Variants in PITPNM2 observed in about 807,000 individuals in gnomAD.
The protein encoded by PITPNM2 is phosphatidylinositol transfer protein membrane associated 2.
Under a neutral mutation model 132.2 loss-of-function variants are expected in PITPNM2, and 35 were observed. The observed-to-expected ratio is 0.26, with a 90% CI of 0.20 to 0.35. The LOEUF is 0.35. Ranked by LOEUF, PITPNM2 falls within the 10% of genes least tolerant of loss-of-function variation. The pLI, the probability that PITPNM2 is intolerant of heterozygous loss-of-function variation, is 1.00. For missense variants in PITPNM2, 1,332 were observed against 1,912.0 expected (o/e 0.70, Z 5.66); for synonymous variants, 738 against 799.2 (o/e 0.92, Z 1.29).
At chr12:123,094,950 G>T (rs2042368314) in intron 2 of PITPNM2, among the ~76,000 whole-genome samples, 1 of 152,220 alleles carries the variant, frequency 6.6e-6, no homozygotes, top group Non-Finnish European at 1.5e-5. Flanking sequence ...CCACAGACAC[G>T]TGAAAATATT....
chr12:123,138,455 T>G (rs2043430773), intron 1 of PITPNM2, among the ~76,000 whole-genome samples: 1 of 152,078 alleles, frequency 6.6e-6, no homozygotes, highest in African/African-American at 2.4e-5. Context: ...TAAAAATGTT[T>G]AAAATGGTAA....
rs149394768 is a variant in PITPNM2 at position 122,992,244 on chromosome 12, G to A, written c.2404+255C>T. ...TCTTGTTCTGCCCTTTCCCTGCTCC[G>A]GGGACCCTGGAACAAGGCCCTGACC... On this transcript the variant is annotated intron_variant, in intron 16 of 25. Coordinates refer to ENST00000320201, the MANE Select transcript of PITPNM2 (RefSeq NM_020845.3). The surrounding 1 kb of genome is among the most constrained non-coding windows in gnomAD (Gnocchi z 6.5). 0.011 allele frequency among the ~76,000 whole-genome samples: 1,737 copies of A among 152,166 alleles called. 35 individuals are homozygous for A. The highest frequency in any genetic ancestry group is 0.057 in the South Asian group (275 of 4,818).
intron 10 of PITPNM2, among the ~76,000 whole-genome samples, chr12:122,999,184 G>A (rs1043560792): frequency 3.9e-5 from 6 of 152,014 alleles, no homozygotes; most frequent in Non-Finnish European, 5.9e-5. Context: ...CCACTGAGCA[G>A]CAAGAAGCCT....
At chr12:123,037,673 A>C (rs2040323308) in intron 2 of PITPNM2, among the ~76,000 whole-genome samples, 1 of 152,116 alleles carries the variant, frequency 6.6e-6, no homozygotes, top group Non-Finnish European at 1.5e-5. Context: ...GCTCATCCCC[A>C]TGCAAATCAG....
chr12:123,052,545 A>G (rs1484151223), intron 2 of PITPNM2, among the ~76,000 whole-genome samples: 1 of 152,200 alleles, frequency 6.6e-6, no homozygotes, highest in Non-Finnish European at 1.5e-5. Flanking sequence ...ATTTGAACCC[A>G]GGATATCAAG....
At chr12:123,140,608 GATCTGCTTGACCA>G (rs1676102863) in intron 1 of PITPNM2, among the ~76,000 whole-genome samples, 2 of 152,004 alleles carry the variant, frequency 1.3e-5, no homozygotes, top group Non-Finnish European at 2.9e-5. Context: ...CATAAACAGG[GATCTGCTTGACCA>G]GCTGTCACCC....
chr12:123,005,652 C>G lies in PITPNM2; in HGVS notation c.644-104G>C. ...CAGGCAGGGGCTTTGGGAGGCTGTA[C>G]CCATGTTGCAGGTCAAACTAAAGTC... On this transcript the variant is annotated intron_variant, in intron 6 of 25. Transcript: ENST00000320201. This position sits in a 1 kb window ranked among gnomAD's most constrained non-coding sequence, Gnocchi z 6.2. The G allele has an allele frequency of 8.4e-7, 1 of 1,194,198 alleles. No homozygotes were observed. The highest frequency in any genetic ancestry group is 1.4e-5 in the South Asian group (1 of 69,236). The allele number at this position is 1,194,198 out of a possible 1,614,324, so 74.0% of individuals were successfully genotyped here.
chr12:123,080,530 C>T (rs949033832), intron 2 of PITPNM2, among the ~76,000 whole-genome samples: 2 of 152,362 alleles, frequency 1.3e-5, no homozygotes, highest in East Asian at 1.9e-4. Flanking sequence ...GCAATGCTCC[C>T]CATGGGTGAC....
intron 3 of PITPNM2, among the ~76,000 whole-genome samples, chr12:123,028,680 A>G (rs953243730): frequency 6.6e-6 from 1 of 152,204 alleles, no homozygotes; most frequent in Admixed American, 6.5e-5. Flanking sequence ...TACACATGTA[A>G]AGGAGCAGCT....
chr12:123,069,293 C>A (rs1439348887), intron 2 of PITPNM2, among the ~76,000 whole-genome samples: 1 of 151,974 alleles, frequency 6.6e-6, no homozygotes, highest in African/African-American at 2.4e-5. Flanking sequence ...TGCGCTGCTC[C>A]CAGACCTGCT....
In PITPNM2 at chr12:122,990,616, G is replaced by A. The variant is rs768530218; in HGVS notation, c.2498C>T (p.Ala833Val). The A allele has an allele frequency of 1.2e-6, 2 of 1,611,740 alleles. No individual in the cohort carries two copies. The highest frequency in any genetic ancestry group is 1.7e-6 in the Non-Finnish European group (2 of 1,179,904). Reference sequence around the variant, plus strand: ...CTGGCTGGCGATGCTGATCTCACTGGCTCGGCGGAAGCCACGACTGGCAGG... The same window carrying A: ...CTGGCTGGCGATGCTGATCTCACTGACTCGGCGGAAGCCACGACTGGCAGG... ...TAPASRGFRR[A>V]SEISIASQVS... The change falls in exon 17 of 26, where the codon GCC becomes GTC. Residue 833 changes from alanine (A) to valine (V), a missense_variant. Transcript: ENST00000320201.
Position 123,106,836 on chromosome 12 carries a change from G to C in PITPNM2, c.-96+3549C>G, listed in dbSNP as rs1225550914. ...ACCTCCCCATGCTCTGGGCTCTCTGGGCAGCCTTCTAACATGCGAGACTTA... is the reference window on the plus strand; with the variant it reads ...ACCTCCCCATGCTCTGGGCTCTCTGCGCAGCCTTCTAACATGCGAGACTTA... On this transcript the variant is annotated intron_variant, in intron 2 of 25. Coordinates refer to ENST00000320201, the MANE Select transcript of PITPNM2 (RefSeq NM_020845.3). The surrounding 1 kb of genome is among the most constrained non-coding windows in gnomAD (Gnocchi z 4.4). Among the ~76,000 whole-genome samples, 1 of 152,176 alleles carries C rather than the reference G, an allele frequency of 6.6e-6. No homozygotes were observed. The highest frequency in any genetic ancestry group is 2.1e-4 in the South Asian group (1 of 4,826).
At position 122,986,147 on chromosome 12, in the gene PITPNM2, C is replaced by T; in HGVS notation, c.3930G>A (p.Arg1310=). 6.5e-7 allele frequency: 1 copy of T among 1,529,052 alleles called. No homozygotes were observed. The highest frequency in any genetic ancestry group is 2.5e-5 in the East Asian group (1 of 39,964). The allele number at this position is 1,529,052 out of a possible 1,614,324, so 94.7% of individuals were successfully genotyped here. The stretch of plus-strand genomic sequence containing the variant: ...GCTCGCCATCCGCCTGGCTCTGTGT[C>T]CGCTCGTGCCGGTGGCTGGGCCCGC... ...QPSGPSHRHE[R]TQSQADGEQR... Residue 1310 remains arginine, a synonymous_variant, in exon 26 of 26, where the codon CGG becomes CGA. Transcript: ENST00000320201.
intron 2 of PITPNM2, among the ~76,000 whole-genome samples, chr12:123,074,964 C>T (rs924234921): frequency 6.6e-6 from 1 of 152,222 alleles, no homozygotes; most frequent in Non-Finnish European, 1.5e-5. Flanking sequence ...GAACCGTTTA[C>T]ATGGGATCAT....
In PITPNM2 at chr12:122,994,347, C is replaced by T. The variant is rs1449122786; in HGVS notation, c.2233+454G>A. Among the ~76,000 whole-genome samples the T allele has an allele frequency of 6.6e-6, 1 of 152,204 alleles. No homozygotes were observed. The highest frequency in any genetic ancestry group is 2.4e-5 in the African/African-American group (1 of 41,450). On this transcript the variant is annotated intron_variant, in intron 15 of 25. Transcript: ENST00000320201. The surrounding 1 kb of genome is among the most constrained non-coding windows in gnomAD (Gnocchi z 5.4). ...CAGGGACTGCTGCTCCAATGACGCC[C>T]AGCCGCTGGCCTGCCTGCCCTGGGT...
chr12:123,021,477 G>A (rs778087180), intron 3 of PITPNM2, among the ~76,000 whole-genome samples: 33 of 152,144 alleles, frequency 2.2e-4, no homozygotes, highest in Non-Finnish European at 4.0e-4. Context: ...GACTACAGGC[G>A]TGCACCCCAC....
intron 1 of PITPNM2, among the ~76,000 whole-genome samples, chr12:123,125,605 G>A (rs1423985198): frequency 6.6e-6 from 1 of 151,926 alleles, no homozygotes; most frequent in African/African-American, 2.4e-5. Flanking sequence ...AGCACTTTGG[G>A]AGGCCGAGGG....
At chr12:123,100,620 C>T (rs1229681398) in intron 2 of PITPNM2, among the ~76,000 whole-genome samples, 6 of 149,434 alleles carry the variant, frequency 4.0e-5, no homozygotes, top group South Asian at 2.1e-4. Context: ...AGCAAGACTC[C>T]GTCTCCAAAA....
intron 1 of PITPNM2, among the ~76,000 whole-genome samples, chr12:123,121,130 G>A (rs1418250294): frequency 6.6e-6 from 1 of 152,242 alleles, no homozygotes; most frequent in Admixed American, 6.5e-5. Flanking sequence ...CCAAACCCCA[G>A]TGAGCAGGTC....
Sources: allele counts gnomAD v4.1 joint callset (sites outside exome capture counted in the v4.1 genomes callset), GRCh38; gene constraint gnomAD v4.1.1; non-coding constraint Gnocchi (gnomAD v3.1); transcripts MANE v1.5; gene names NCBI Gene and HGNC (gene_info 2026-07-23, HGNC 2026-07-21).